Variants in THSD4 observed in about 807,000 individuals in gnomAD.
THSD4 encodes the protein thrombospondin type-1 domain-containing protein 4.
In THSD4, 69 loss-of-function variants were observed where a neutral mutation model predicts 119.0. The ratio of observed to expected loss-of-function variants is 0.58; its 90% CI spans 0.48 to 0.71. The LOEUF (loss-of-function observed/expected upper bound fraction) is 0.71. Ranked by LOEUF, THSD4 falls within the 30% of genes least tolerant of loss-of-function variation. The pLI is 0.00. For missense variants in THSD4, 1,393 were observed against 1,391.1 expected (o/e 1.00, Z -0.02); for synonymous variants, 524 against 540.4 (o/e 0.97, Z 0.42).
chr15:71,342,043 A>G (rs1161811254), intron 6 of THSD4, among the ~76,000 whole-genome samples: 1 of 152,186 alleles, frequency 6.6e-6, no homozygotes, highest in Non-Finnish European at 1.5e-5. Flanking sequence ...TGTCTGTAAC[A>G]GGAGATGGGG....
chr15:71,348,847 G>A (rs1329995926), intron 6 of THSD4, among the ~76,000 whole-genome samples: 3 of 152,218 alleles, frequency 2.0e-5, no homozygotes, highest in African/African-American at 7.2e-5. Context: ...CAGCATCTTT[G>A]GAGTAAGTGC....
chr15:71,723,494 T>C (rs1319287936), intron 8 of THSD4, among the ~76,000 whole-genome samples: 1 of 152,234 alleles, frequency 6.6e-6, no homozygotes, highest in Non-Finnish European at 1.5e-5. Flanking sequence ...TCTTTTGAGC[T>C]CTTTGCCCTT....
rs570501907 is a variant in THSD4, at chr15:71,734,102, C to T, written c.1630+2885C>T. On this transcript the variant is annotated intron_variant, in intron 10 of 17. Coordinates refer to ENST00000261862, the MANE Select transcript of THSD4 (RefSeq NM_024817.3). ...GGGATTACAGGCATGAGCCACCTCACCCAGCCCCCTTGTAGTTTTAACTGT... is the reference window on the plus strand; with the variant it reads ...GGGATTACAGGCATGAGCCACCTCATCCAGCCCCCTTGTAGTTTTAACTGT... Among the ~76,000 whole-genome samples, 41 of 152,114 alleles carry T rather than the reference C, an allele frequency of 2.7e-4. No individual in the cohort carries two copies. In the South Asian group the frequency reaches 7.9e-3, roughly 29 times the overall value.
chr15:71,147,204 T>C (rs1596224292), intron 2 of THSD4, among the ~76,000 whole-genome samples: 1 of 152,164 alleles, frequency 6.6e-6, no homozygotes, highest in East Asian at 1.9e-4. Context: ...ACTTTTTGTT[T>C]TTGAATTTTT....
chr15:71,562,717 T>TC (rs1555426944), intron 7 of THSD4, among the ~76,000 whole-genome samples: 4 of 150,636 alleles, frequency 2.7e-5, no homozygotes, highest in Non-Finnish European at 5.9e-5. Context: ...TTTTTTCTTT[T>TC]CTGAAACGGA....
intron 3 of THSD4, among the ~76,000 whole-genome samples, chr15:71,158,935 T>G (rs201541434): frequency 1.3e-5 from 2 of 152,340 alleles, no homozygotes; most frequent in East Asian, 1.9e-4. Flanking sequence ...GAATAAAACC[T>G]TATGTTTTGT....
intron 7 of THSD4, among the ~76,000 whole-genome samples, chr15:71,494,358 T>C (rs2047976811): frequency 2.0e-5 from 3 of 152,140 alleles, no homozygotes; most frequent in Admixed American, 2.0e-4. Context: ...TGGGAAACCT[T>C]GTGCTCTAAA....
intron 1 of THSD4, among the ~76,000 whole-genome samples, chr15:71,098,001 C>T (rs1387716633): frequency 2.0e-5 from 3 of 151,852 alleles, no homozygotes; most frequent in Admixed American, 2.0e-4. Context: ...AGGGACAATA[C>T]ACTTGCATTA....
chr15:71,599,492 A>C (rs1019896449), intron 7 of THSD4, among the ~76,000 whole-genome samples: 1 of 152,168 alleles, frequency 6.6e-6, no homozygotes, highest in Non-Finnish European at 1.5e-5. Context: ...AACCCAGGCA[A>C]ACTGTTGTTC....
intron 7 of THSD4, among the ~76,000 whole-genome samples, chr15:71,613,941 C>T (rs963587993): frequency 6.6e-6 from 1 of 152,108 alleles, no homozygotes; most frequent in African/African-American, 2.4e-5. Context: ...AGACCATAAA[C>T]TCAATAAATA....
chr15:71,246,461 T>C (rs1308332043), intron 5 of THSD4, among the ~76,000 whole-genome samples: 1 of 152,162 alleles, frequency 6.6e-6, no homozygotes, highest in East Asian at 1.9e-4. Flanking sequence ...CAAAACGAGA[T>C]TGCCAAGAGA....
At chr15:71,605,184 G>A (rs2050085784) in intron 7 of THSD4, among the ~76,000 whole-genome samples, 1 of 152,192 alleles carries the variant, frequency 6.6e-6, no homozygotes, top group East Asian at 1.9e-4. Context: ...AAGATAAGGA[G>A]ATAATGTCCT....
intron 6 of THSD4, among the ~76,000 whole-genome samples, chr15:71,273,141 T>G (rs2044552345): frequency 6.6e-6 from 1 of 152,204 alleles, no homozygotes; most frequent in Non-Finnish European, 1.5e-5. Flanking sequence ...GGAAACAACC[T>G]AAGTGCCTAT....
chr15:71,155,981 C>A (rs2040773237), intron 3 of THSD4, among the ~76,000 whole-genome samples: 1 of 152,176 alleles, frequency 6.6e-6, no homozygotes. Flanking sequence ...GACAGTATTG[C>A]ATATGCTTCC....
intron 6 of THSD4, among the ~76,000 whole-genome samples, chr15:71,270,055 C>G (rs2044510484): frequency 6.6e-6 from 1 of 152,134 alleles, no homozygotes; most frequent in African/African-American, 2.4e-5. Context: ...AATGCTATCC[C>G]CATCAAGCTA....
chr15:71,744,488 G>T (rs1005515080), intron 11 of THSD4, among the ~76,000 whole-genome samples: 3 of 152,188 alleles, frequency 2.0e-5, no homozygotes, highest in East Asian at 1.9e-4. Flanking sequence ...CTTGCCAAAG[G>T]GGGAGGCAGC....
intron 7 of THSD4, among the ~76,000 whole-genome samples, chr15:71,551,672 C>A (rs796713834): frequency 6.6e-6 from 1 of 151,950 alleles, no homozygotes; most frequent in Admixed American, 6.6e-5. Flanking sequence ...AGGGAAGGCA[C>A]GCAGGACCCA....
intron 6 of THSD4, among the ~76,000 whole-genome samples, chr15:71,406,437 TTGG>T (rs1159692158): frequency 5.9e-5 from 9 of 152,172 alleles, no homozygotes; most frequent in African/African-American, 2.2e-4. Context: ...CTCAGTCTAA[TTGG>T]TTTATAGTGT....
Position 71,574,990 on chromosome 15 carries a change from C to G in THSD4, c.1153-85540C>G, listed in dbSNP as rs556646579. Among the ~76,000 whole-genome samples, 4 of 152,204 alleles carry G rather than the reference C, an allele frequency of 2.6e-5. No homozygotes were observed. The East Asian group carries it at 7.7e-4, about 29-fold the overall frequency. On this transcript the variant is annotated intron_variant, in intron 7 of 17. Coordinates refer to ENST00000261862, the MANE Select transcript of THSD4 (RefSeq NM_024817.3). ...TGTGGAATTACCTTTATGCTTGGGGCTTTAGCGATGCATCAGCCGTATATA... is the reference window on the plus strand; with the variant it reads ...TGTGGAATTACCTTTATGCTTGGGGGTTTAGCGATGCATCAGCCGTATATA...
Sources: allele counts gnomAD v4.1 joint callset (sites outside exome capture counted in the v4.1 genomes callset), GRCh38; gene constraint gnomAD v4.1.1; transcripts MANE v1.5; gene names NCBI Gene and HGNC (gene_info 2026-07-23, HGNC 2026-07-21).